The following HPD variants were observed in gnomAD, a reference collection of about 807,000 sequenced individuals.
HPD encodes 4-hydroxyphenylpyruvic acid oxidase.
A neutral mutation model predicts 56.9 loss-of-function variants in HPD; 35 were observed. The observed-to-expected ratio is 0.62, with a 90% CI of 0.47 to 0.82. The LOEUF (loss-of-function observed/expected upper bound fraction) is 0.82, where lower values mean the gene tolerates loss of function less well. HPD is among the 40% of genes least tolerant of loss of function. The pLI is 0.00. For missense variants in HPD, 442 were observed against 506.8 expected, an observed-to-expected ratio of 0.87 and a Z score of 1.23; for synonymous variants, 186 against 200.2, an observed-to-expected ratio of 0.93 and a Z score of 0.60.
the HPD span, among the ~76,000 whole-genome samples, chr12:121,872,059 C>T: frequency 7.4e-6 from 1 of 135,118 alleles, no homozygotes; most frequent in Non-Finnish European, 1.6e-5. Context: ...GGTGAAACCC[C>T]GTCTCTACTA....
At chr12:121,880,130 G>A in the HPD span, among the ~76,000 whole-genome samples, 23 of 146,598 alleles carry the variant, frequency 1.6e-4, no homozygotes, top group African/African-American at 5.3e-4. Flanking sequence ...CTGAGTGACA[G>A]AGCGAGACCC....
chr12:121,869,063 C>T, the HPD span, among the ~76,000 whole-genome samples: 1 of 115,722 alleles, frequency 8.6e-6, no homozygotes, highest in Admixed American at 7.8e-5. Context: ...CAATTAAAAA[C>T]AATTTTTTGG....
At chr12:121,858,448 C>A (rs980302407) in intron 2 of HPD, among the ~76,000 whole-genome samples, 1 of 152,032 alleles carries the variant, frequency 6.6e-6, no homozygotes, top group African/African-American at 2.4e-5. Flanking sequence ...CCTCCCAAAG[C>A]ACTGGGATTA....
chr12:121,844,866 G>A (rs1246160724), intron 11 of HPD, among the ~76,000 whole-genome samples: 1 of 151,248 alleles, frequency 6.6e-6, no homozygotes, highest in Non-Finnish European at 1.5e-5. Flanking sequence ...GAGCAACAGA[G>A]CGAGACTCTG....
At chr12:121,869,183 G>C in the HPD span, among the ~76,000 whole-genome samples, 127,653 of 151,782 alleles carry the variant, frequency 0.84, 53,762 homozygotes, top group Middle Eastern at 0.91. Context: ...AACCCTGTCT[G>C]TACTAAAAAT....
At chr12:121,875,147 A>G in the HPD span, among the ~76,000 whole-genome samples, 1 of 152,342 alleles carries the variant, frequency 6.6e-6, no homozygotes, top group Middle Eastern at 3.4e-3. Flanking sequence ...GTGGGCTATC[A>G]GGCCTCTGCT....
At chr12:121,879,578 T>G in the HPD span, among the ~76,000 whole-genome samples, 4 of 151,838 alleles carry the variant, frequency 2.6e-5, no homozygotes, top group Non-Finnish European at 1.5e-5. Context: ...AGTGGTGTGA[T>G]CAGCTCAGTG....
At chr12:121,873,798 A>T in the HPD span, among the ~76,000 whole-genome samples, 1 of 141,938 alleles carries the variant, frequency 7.0e-6, no homozygotes, top group Non-Finnish European at 1.5e-5. Flanking sequence ...CCAGCCTGGG[A>T]GACAGAGACT....
the HPD span, among the ~76,000 whole-genome samples, chr12:121,885,701 G>A: frequency 2.6e-5 from 4 of 151,240 alleles, no homozygotes; most frequent in South Asian, 4.2e-4. Context: ...GGTGGCTCAC[G>A]CCTGTAATCC....
chr12:121,884,430 C>T, the HPD span, among the ~76,000 whole-genome samples: 298 of 152,006 alleles, frequency 2.0e-3, 1 homozygote, highest in African/African-American at 6.5e-3. Context: ...CCCAAAATGC[C>T]GGGATTACGG....
chr12:121,866,071 T>G (rs1354386971), upstream of HPD, among the ~76,000 whole-genome samples: 1 of 151,884 alleles, frequency 6.6e-6, no homozygotes, highest in Non-Finnish European at 1.5e-5. Context: ...GCCGAGGTGG[T>G]TGGATCACGA....
At chr12:121,848,825 T>C (rs1877668459) in intron 9 of HPD, among the ~76,000 whole-genome samples, 174 bp downstream of exon 9, 2 of 152,058 alleles carry the variant, frequency 1.3e-5, no homozygotes, top group South Asian at 4.2e-4. Context: ...AGGCTGGTGT[T>C]GAACCCCTGA....
chr12:121,880,856 G>A, the HPD span, among the ~76,000 whole-genome samples: 50,954 of 151,870 alleles, frequency 0.34, 8,900 homozygotes, highest in Middle Eastern at 0.41. Context: ...GTGCAGTGGC[G>A]TGACCTCAGC....
At chr12:121,868,992 G>A in the HPD span, among the ~76,000 whole-genome samples, 1 of 152,078 alleles carries the variant, frequency 6.6e-6, no homozygotes, top group Non-Finnish European at 1.5e-5. Context: ...TGGCTCCAGC[G>A]ATCCTCCCAG....
At position 121,839,649 on chromosome 12, in the gene HPD, A is replaced by G. The variant is rs1025756180; in HGVS notation, c.*79T>C. ...CTGGTGGGCGGGACCCAAGGGGAGCAGCCAGTAGGGAAGTTGGGCGAGTTC... is the reference window on the plus strand; with the variant it reads ...CTGGTGGGCGGGACCCAAGGGGAGCGGCCAGTAGGGAAGTTGGGCGAGTTC... On this transcript the variant is annotated 3_prime_UTR_variant, in exon 14 of 14. Transcript: ENST00000289004. 6 of 1,046,390 alleles carry G rather than the reference A, an allele frequency of 5.7e-6. No individual in the cohort carries two copies. The highest frequency in any genetic ancestry group is 1.8e-5 in the Admixed American group (1 of 56,214). The allele number at this position is 1,046,390 out of a possible 1,614,324, so 64.8% of individuals were successfully genotyped here.
At chr12:121,868,781 G>C in the HPD span, among the ~76,000 whole-genome samples, 1 of 151,812 alleles carries the variant, frequency 6.6e-6, no homozygotes, top group East Asian at 1.9e-4. Flanking sequence ...TCAGCCTCCC[G>C]AAGTGCTGGG....
chr12:121,862,698 CTTTTTTTTTTTTTTTT>C (rs34868560), upstream of HPD, among the ~76,000 whole-genome samples: 1 of 54,988 alleles, frequency 1.8e-5, no homozygotes, highest in East Asian at 5.9e-4. Context: ...TCAATGCAAG[CTTTTTTTTTTTTTTTT>C]TTTTTTTTTA....
At chr12:121,855,616 C>A (rs1172396527) in intron 6 of HPD, among the ~76,000 whole-genome samples, 1 of 151,992 alleles carries the variant, frequency 6.6e-6, no homozygotes, top group African/African-American at 2.4e-5. Flanking sequence ...ACTCGGGAGG[C>A]TGAGGCAGGA....
At chr12:121,866,699 C>T (rs1472102186), upstream of HPD, among the ~76,000 whole-genome samples, 1 of 151,994 alleles carries the variant, frequency 6.6e-6, no homozygotes. Context: ...TCATAATTTA[C>T]ATGATTTAAG....
Sources: gnomAD v4.1 joint callset for allele counts (sites outside exome capture counted in the v4.1 genomes callset) on GRCh38, gnomAD v4.1.1 for gene constraint, MANE v1.5 for transcripts, NCBI Gene and HGNC (gene_info 2026-07-23, HGNC 2026-07-21) for gene names.